CAMK1D: variants seen among roughly 807,000 people sequenced by gnomAD.
The protein encoded by CAMK1D is calcium/calmodulin-dependent protein kinase type 1D.
In CAMK1D, 9 loss-of-function variants were observed where a neutral mutation model predicts 47.7. The ratio of observed to expected loss-of-function variants is 0.19; its 90% CI spans 0.11 to 0.33. The LOEUF (loss-of-function observed/expected upper bound fraction) is 0.33, where lower values mean the gene tolerates loss of function less well. Ranked by LOEUF, CAMK1D falls within the 10% of genes least tolerant of loss-of-function variation. The probability of loss-of-function intolerance (pLI) is 1.00; values close to 1 mark genes in which losing one functional copy is unlikely to be tolerated. For synonymous variants in CAMK1D, 184 were observed against 184.9 expected (o/e 0.99, Z 0.04); for missense variants, 291 against 488.7 (o/e 0.60, Z 3.81).
intron 2 of CAMK1D, among the ~76,000 whole-genome samples, chr10:12,606,210 C>T (rs760573657): frequency 2.6e-5 from 4 of 151,828 alleles, no homozygotes; most frequent in Non-Finnish European, 5.9e-5. Flanking sequence ...GGAGGGAGCG[C>T]GGGGCCTCTG....
chr10:12,604,749 C>A (rs1474804283), intron 2 of CAMK1D, among the ~76,000 whole-genome samples: 1 of 152,152 alleles, frequency 6.6e-6, no homozygotes, highest in African/African-American at 2.4e-5. Context: ...GTGCCAGGAG[C>A]TCCCAAAATA....
Position 12,623,718 on chromosome 10 carries a change from TC to T in CAMK1D, c.225-43011del, listed in dbSNP as rs201617622. Among the ~76,000 whole-genome samples, 176 of 150,452 alleles carry T rather than the reference TC, an allele frequency of 1.2e-3. 1 individual carries two copies. In the East Asian group the frequency reaches 0.03, roughly 25 times the overall value. The stretch of plus-strand genomic sequence containing the variant: ...ATTTTACATACATGCTCCCTTTTTT[TC>T]CCCCCCAAAATAGCATTTTACTTTA... On this transcript the variant is annotated intron_variant, in intron 2 of 10. Coordinates refer to ENST00000619168, the MANE Select transcript of CAMK1D (RefSeq NM_153498.4).
At chr10:12,393,706 G>A (rs999157077) in intron 1 of CAMK1D, among the ~76,000 whole-genome samples, 1 of 152,220 alleles carries the variant, frequency 6.6e-6, no homozygotes, top group Non-Finnish European at 1.5e-5. Flanking sequence ...GGACGCGTGA[G>A]CATGTGTCCA....
intron 3 of CAMK1D, among the ~76,000 whole-genome samples, chr10:12,686,409 C>T (rs1407764908): frequency 1.3e-5 from 2 of 152,100 alleles, no homozygotes; most frequent in Admixed American, 6.6e-5. Flanking sequence ...GCAGCCTCCG[C>T]CTCCCAAGTT....
At chr10:12,578,201 A>G (rs1837551254) in intron 2 of CAMK1D, among the ~76,000 whole-genome samples, 1 of 152,072 alleles carries the variant, frequency 6.6e-6, no homozygotes, top group African/African-American at 2.4e-5. Flanking sequence ...CAGCCTTCCA[A>G]GTAGCTGGGA....
At chr10:12,713,755 A>G (rs1834020209) in intron 3 of CAMK1D, among the ~76,000 whole-genome samples, 1 of 152,234 alleles carries the variant, frequency 6.6e-6, no homozygotes, top group Non-Finnish European at 1.5e-5. Context: ...GATGCCCCAC[A>G]GCCCAGCATC....
chr10:12,785,204 C>A (rs547007817), intron 5 of CAMK1D, among the ~76,000 whole-genome samples: 4 of 152,274 alleles, frequency 2.6e-5, no homozygotes, highest in East Asian at 1.9e-4. Flanking sequence ...GGGTGGGTTT[C>A]CCTATAGCCA....
At chr10:12,823,523 C>T (rs549621301) in intron 8 of CAMK1D, among the ~76,000 whole-genome samples, 9 of 151,778 alleles carry the variant, frequency 5.9e-5, no homozygotes, top group African/African-American at 2.2e-4. Flanking sequence ...GGGAGACTGC[C>T]AGGTAATTCT....
intron 1 of CAMK1D, among the ~76,000 whole-genome samples, chr10:12,426,870 A>C (rs1840251355): frequency 6.6e-6 from 1 of 152,156 alleles, no homozygotes; most frequent in African/African-American, 2.4e-5. Context: ...GCATGCCACC[A>C]CGCCCAGCTA....
At chr10:12,486,852 C>T (rs1006106566) in intron 1 of CAMK1D, among the ~76,000 whole-genome samples, 1 of 152,124 alleles carries the variant, frequency 6.6e-6, no homozygotes, top group South Asian at 2.1e-4. Flanking sequence ...AAGGGAGGAT[C>T]ACTTGAGCCC....
At chr10:12,751,524 C>G (rs1311036124) in intron 3 of CAMK1D, among the ~76,000 whole-genome samples, 1 of 152,216 alleles carries the variant, frequency 6.6e-6, no homozygotes, top group African/African-American at 2.4e-5. Context: ...GCCCTGCCTT[C>G]GTGGAGTTCA....
chr10:12,688,597 G>A (rs1432908008), intron 3 of CAMK1D, among the ~76,000 whole-genome samples: 1 of 152,162 alleles, frequency 6.6e-6, no homozygotes, highest in Non-Finnish European at 1.5e-5. Context: ...GATCCTTCAA[G>A]GGCCTAGAAT....
chr10:12,709,115 G>T (rs1426277645), intron 3 of CAMK1D, among the ~76,000 whole-genome samples: 3 of 152,188 alleles, frequency 2.0e-5, no homozygotes, highest in Non-Finnish European at 4.4e-5. Flanking sequence ...CTTCCTCCTG[G>T]GTGAGTCACC....
At chr10:12,651,254 C>G (rs1292001214) in intron 2 of CAMK1D, among the ~76,000 whole-genome samples, 1 of 152,218 alleles carries the variant, frequency 6.6e-6, no homozygotes, top group Non-Finnish European at 1.5e-5. Context: ...GTGGGTCCAG[C>G]AACTGTGGGA....
At chr10:12,772,852 G>A (rs953271967) in intron 5 of CAMK1D, among the ~76,000 whole-genome samples, 1 of 152,162 alleles carries the variant, frequency 6.6e-6, no homozygotes, top group Non-Finnish European at 1.5e-5. Context: ...TGAGTCGTGT[G>A]GAGGGGACAC....
chr10:12,580,120 G>C (rs12243293), intron 2 of CAMK1D, among the ~76,000 whole-genome samples: 10,691 of 152,166 alleles, frequency 0.07, 1,150 homozygotes, highest in African/African-American at 0.23. Flanking sequence ...GGGCCTTTCG[G>C]CACAGCCAGA....
At chr10:12,765,089 C>T (rs899619110) in intron 4 of CAMK1D, among the ~76,000 whole-genome samples, 3 of 151,940 alleles carry the variant, frequency 2.0e-5, no homozygotes, top group Admixed American at 2.0e-4. Context: ...AGAGAGACTC[C>T]ATCTCAAAAA....
At chr10:12,614,567 A>G (rs1484299414) in intron 2 of CAMK1D, among the ~76,000 whole-genome samples, 2 of 152,232 alleles carry the variant, frequency 1.3e-5, no homozygotes, top group African/African-American at 2.4e-5. Context: ...TGAATGGGCA[A>G]TTGAAATAAT....
intron 5 of CAMK1D, among the ~76,000 whole-genome samples, chr10:12,779,363 G>A (rs1367170972): frequency 2.0e-5 from 3 of 152,156 alleles, no homozygotes; most frequent in Non-Finnish European, 4.4e-5. Flanking sequence ...GAAAACATCC[G>A]TATCAATCAC....
Sources: allele counts gnomAD v4.1 joint callset (sites outside exome capture counted in the v4.1 genomes callset), GRCh38; gene constraint gnomAD v4.1.1; transcripts MANE v1.5; gene names NCBI Gene and HGNC (gene_info 2026-07-23, HGNC 2026-07-21).